The following CBR4 variants were observed in gnomAD, a reference collection of about 807,000 sequenced individuals.
CBR4 encodes carbonyl reductase 4.
Under a neutral mutation model 21.0 loss-of-function variants are expected in CBR4, and 22 were observed. The observed-to-expected ratio is 1.05, with a 90% CI of 0.75 to 1.50. The LOEUF (loss-of-function observed/expected upper bound fraction) is 1.50, where lower values mean the gene tolerates loss of function less well. Among genes scored for constraint, CBR4 ranks in the 40% most tolerant of loss-of-function variants. The pLI, the probability that CBR4 is intolerant of heterozygous loss-of-function variation, is 0.00. For missense variants in CBR4, 302 were observed against 286.3 expected, an observed-to-expected ratio of 1.05 and a Z score of -0.40; for synonymous variants, 100 against 104.4, an observed-to-expected ratio of 0.96 and a Z score of 0.26.
intron 2 of CBR4, among the ~76,000 whole-genome samples, chr4:168,960,141 T>G (rs1422776390): frequency 6.6e-6 from 1 of 152,238 alleles, no homozygotes; most frequent in Non-Finnish European, 1.5e-5. Flanking sequence ...TCCTATTGTT[T>G]GCTGCCATTC....
intron 3 of CBR4, among the ~76,000 whole-genome samples, chr4:169,002,914 G>A (rs1430948425): frequency 1.3e-5 from 2 of 151,944 alleles, no homozygotes; most frequent in African/African-American, 2.4e-5. Context: ...TATTACATCT[G>A]TTATAATGAT....
In CBR4 at chr4:168,940,672, CAT is replaced by C. The variant is rs551303625; in HGVS notation, n.170-45909_170-45908del. On this transcript the variant is annotated intron_variant and non_coding_transcript_variant, in intron 2 of 3. Transcript: ENST00000509108. ...AGAAGACATTTATGCAGCCAACAAA[CAT>C]ATGTAAAAAAGCTCATCATCACTGG... Among the ~76,000 whole-genome samples, 407 of 151,992 alleles carry C rather than the reference CAT, an allele frequency of 2.7e-3. 2 individuals carry two copies. Among genetic ancestry groups the C allele is most frequent in the African/African-American group, 9.2e-3 (381 of 41,492 alleles).
intron 2 of CBR4, among the ~76,000 whole-genome samples, chr4:168,899,135 T>C (rs1381452995): frequency 6.6e-6 from 1 of 152,134 alleles, no homozygotes; most frequent in Non-Finnish European, 1.5e-5. Context: ...ACTTCCAATC[T>C]TTAATCAAAA....
At chr4:168,916,088 T>C in intron 2 of CBR4, 1 of 1,485,868 alleles carries the variant, frequency 6.7e-7, no homozygotes, top group Non-Finnish European at 9.3e-7. Flanking sequence ...TTGCCATTTC[T>C]CTATAGTTCC....
intron 2 of CBR4, among the ~76,000 whole-genome samples, chr4:168,929,835 G>A (rs964959043): frequency 2.6e-5 from 4 of 152,156 alleles, no homozygotes; most frequent in Non-Finnish European, 5.9e-5. Flanking sequence ...CACATAGTAA[G>A]AGCTCAATAA....
chr4:168,955,167 G>A (rs1022487315), intron 2 of CBR4, among the ~76,000 whole-genome samples: 2 of 152,184 alleles, frequency 1.3e-5, no homozygotes, highest in African/African-American at 2.4e-5. Context: ...GGCAGGATGG[G>A]AAGTATGCTT....
chr4:168,987,589 G>C, downstream of CBR4: 6 of 882,270 alleles, frequency 6.8e-6, no homozygotes, highest in Non-Finnish European at 8.2e-6. Flanking sequence ...ACATCAGAAA[G>C]TTTAAAATCA....
rs572783758 is a variant in CBR4 at position 168,990,118 on chromosome 4, C to G, written c.*32G>C. ...CAGTAGCCAAAGTGTGCCCTTGATGCTAATCACCCCTATAACTGAATAATC... is the reference window on the plus strand; with the variant it reads ...CAGTAGCCAAAGTGTGCCCTTGATGGTAATCACCCCTATAACTGAATAATC... On this transcript the variant is annotated 3_prime_UTR_variant, in exon 5 of 5. Transcript: ENST00000306193. 1 of 1,509,050 alleles carries G rather than the reference C, an allele frequency of 6.6e-7. No homozygotes were observed. Among genetic ancestry groups the G allele is most frequent in the Non-Finnish European group, 8.9e-7 (1 of 1,124,188 alleles). The allele number at this position is 1,509,050 out of a possible 1,614,324, so 93.5% of individuals were successfully genotyped here. A position where few individuals can be genotyped will look rare whatever the true frequency, so the allele number is the denominator to read the frequency against.
intron 4 of CBR4, among the ~76,000 whole-genome samples, chr4:168,991,370 T>C (rs1560983038): frequency 1.3e-5 from 2 of 152,244 alleles, no homozygotes; most frequent in East Asian, 1.9e-4. Context: ...TAGGTAGGGA[T>C]AGAAAAGTAG....
intron 4 of CBR4, among the ~76,000 whole-genome samples, chr4:168,996,003 G>A (rs1765181685): frequency 6.6e-6 from 1 of 152,198 alleles, no homozygotes; most frequent in African/African-American, 2.4e-5. Flanking sequence ...GAATGATGAT[G>A]TTCAGCCACC....
intron 2 of CBR4, among the ~76,000 whole-genome samples, chr4:168,971,024 T>G (rs1168240079): frequency 1.3e-5 from 2 of 152,200 alleles, no homozygotes; most frequent in Non-Finnish European, 2.9e-5. Context: ...AATGGTAGCT[T>G]TTGGTTCTTT....
At chr4:169,001,385 G>C (rs1226111514) in intron 4 of CBR4, 2 of 152,144 alleles carry the variant, frequency 1.3e-5, no homozygotes, top group East Asian at 1.9e-4. Flanking sequence ...CCCAGGTACA[G>C]TTTTCTAATC....
chr4:169,004,312 C>G (rs1730714755), intron 3 of CBR4, among the ~76,000 whole-genome samples: 1 of 151,950 alleles, frequency 6.6e-6, no homozygotes, highest in South Asian at 2.1e-4. Flanking sequence ...CTTAATAGAC[C>G]ATAATATAAC....
chr4:168,993,996 G>A lies in CBR4; in HGVS notation c.536-3668C>T, dbSNP rs182793165. Among the ~76,000 whole-genome samples, 370 of 152,156 alleles carry A rather than the reference G, an allele frequency of 2.4e-3. 2 individuals carry two copies. The highest frequency in any genetic ancestry group is 3.4e-3 in the Middle Eastern group (1 of 294). ...CACGTGCTAAGACCAGCTCGGTCACGGAGACCTTAACACAGCAGCACTAGA... is the reference window on the plus strand; with the variant it reads ...CACGTGCTAAGACCAGCTCGGTCACAGAGACCTTAACACAGCAGCACTAGA... On this transcript the variant is annotated intron_variant, in intron 4 of 4. Transcript: ENST00000306193.
intron 2 of CBR4, chr4:168,914,048 T>C (rs761840472): frequency 2.7e-5 from 35 of 1,306,492 alleles, no homozygotes; most frequent in Non-Finnish European, 3.9e-5. Flanking sequence ...TTCCCAGAAG[T>C]GTTACATTAT....
At chr4:168,981,749 G>A (rs1764552741) in intron 2 of CBR4, among the ~76,000 whole-genome samples, 1 of 152,058 alleles carries the variant, frequency 6.6e-6, no homozygotes, top group African/African-American at 2.4e-5. Context: ...AGAGATTTGG[G>A]GCTTATATTC....
intron 2 of CBR4, 89 bp from the exon 3 acceptor site, chr4:169,006,980 CAAG>C: frequency 9.9e-7 from 1 of 1,006,812 alleles, no homozygotes; most frequent in Non-Finnish European, 1.5e-6. Context: ...ACTGAGAGTG[CAAG>C]AAGTGCTTCC....
chr4:168,964,975 C>T (rs891809085), intron 2 of CBR4, among the ~76,000 whole-genome samples: 3 of 152,032 alleles, frequency 2.0e-5, no homozygotes, highest in Admixed American at 6.6e-5. Context: ...CAAACTAAAA[C>T]TTTGCAGATG....
chr4:168,927,537 T>A (rs1324129181), intron 2 of CBR4: 3 of 231,148 alleles, frequency 1.3e-5, no homozygotes, highest in Admixed American at 1.1e-4. Flanking sequence ...TAGCATCTAG[T>A]CTACTTGAAG....
Sources: gnomAD v4.1 joint callset for allele counts (sites outside exome capture counted in the v4.1 genomes callset) on GRCh38, gnomAD v4.1.1 for gene constraint, MANE v1.5 for transcripts, NCBI Gene and HGNC (gene_info 2026-07-23, HGNC 2026-07-21) for gene names.